SLC5A4: variants seen among roughly 807,000 people sequenced by gnomAD.
The protein encoded by SLC5A4 is probable glucose sensor protein SLC5A4.
SLC5A4 carries 55 observed loss-of-function variants against 70.3 expected under a neutral mutation model. The ratio of observed to expected loss-of-function variants is 0.78; its 90% CI spans 0.63 to 0.98. The LOEUF (loss-of-function observed/expected upper bound fraction) is 0.98, where lower values mean the gene tolerates loss of function less well. Ranked by LOEUF, SLC5A4 falls within the 50% of genes least tolerant of loss-of-function variation. SLC5A4 has a pLI of 0.00. For synonymous variants in SLC5A4, 268 were observed against 305.7 expected, an observed-to-expected ratio of 0.88 and a Z score of 1.29; for missense variants, 735 against 839.2, an observed-to-expected ratio of 0.88 and a Z score of 1.53.
chr22:32,234,933 T>C lies in SLC5A4; in HGVS notation c.825A>G (p.Pro275=), dbSNP rs1354892935. 3 of 1,613,072 alleles carry C rather than the reference T, an allele frequency of 1.9e-6. No homozygotes were observed. The highest frequency in any genetic ancestry group is 2.5e-6 in the Non-Finnish European group (3 of 1,179,998). Residue 275 remains proline (P), a synonymous_variant, in exon 8 of 15, where the codon CCA becomes CCG. Coordinates refer to ENST00000266086, the MANE Select transcript of SLC5A4 (RefSeq NM_014227.3). ...IFRDAVTGDI[P]WPGIIFGMPI... The stretch of plus-strand genomic sequence containing the variant: ...GCATTCCAAATATAATTCCTGGCCA[T>C]GGAATGTCCCCAGTCACAGCATCTC...
At chr22:32,268,860 G>T in the SLC5A4 span, among the ~76,000 whole-genome samples, 1 of 152,124 alleles carries the variant, frequency 6.6e-6, no homozygotes, top group Non-Finnish European at 1.5e-5. Flanking sequence ...ATAATAATTT[G>T]GGATATACAG....
the SLC5A4 span, among the ~76,000 whole-genome samples, chr22:32,303,127 AT>A: frequency 6.6e-6 from 1 of 152,150 alleles, no homozygotes. Context: ...TAGAAAGATT[AT>A]TTTCCCAAGA....
the SLC5A4 span, chr22:32,271,525 C>A: frequency 1.4e-6 from 1 of 710,386 alleles, no homozygotes. Flanking sequence ...AAGCCGAAGC[C>A]ATCCAAGAAG....
chr22:32,306,124 G>C, the SLC5A4 span, among the ~76,000 whole-genome samples: 1 of 152,210 alleles, frequency 6.6e-6, no homozygotes. Context: ...CTAGGGAACA[G>C]TTGACATGAC....
At chr22:32,316,402 A>C in the SLC5A4 span, among the ~76,000 whole-genome samples, 8 of 152,184 alleles carry the variant, frequency 5.3e-5, no homozygotes, top group Non-Finnish European at 8.8e-5. Context: ...TGTGAGGGTG[A>C]AGGATGAGAG....
At chr22:32,248,443 C>A (rs1926955893) in intron 4 of SLC5A4, among the ~76,000 whole-genome samples, 1 of 152,088 alleles carries the variant, frequency 6.6e-6, no homozygotes, top group African/African-American at 2.4e-5. Context: ...GAAGCCAGAC[C>A]CCTTGCCCAT....
chr22:32,335,249 G>A, the SLC5A4 span, among the ~76,000 whole-genome samples: 2 of 152,124 alleles, frequency 1.3e-5, no homozygotes, highest in Non-Finnish European at 2.9e-5. Context: ...CCACGTCTCA[G>A]ACAGCTCAAG....
At chr22:32,335,228 G>A in the SLC5A4 span, among the ~76,000 whole-genome samples, 9 of 152,116 alleles carry the variant, frequency 5.9e-5, no homozygotes, top group East Asian at 3.9e-4. Flanking sequence ...AGTGACAGCC[G>A]CTTCCGCCTC....
chr22:32,286,741 A>C, the SLC5A4 span, among the ~76,000 whole-genome samples: 1 of 152,266 alleles, frequency 6.6e-6, no homozygotes, highest in Non-Finnish European at 1.5e-5. Context: ...AAAGAAGGCT[A>C]TTGTAAGCAT....
the SLC5A4 span, among the ~76,000 whole-genome samples, chr22:32,294,590 CATTAAT>C: frequency 0.33 from 49,527 of 150,124 alleles, 8,293 homozygotes; most frequent in Admixed American, 0.42. Context: ...CCCTGACAAT[CATTAAT>C]ATTAATATGG....
chr22:32,291,027 G>T, the SLC5A4 span, among the ~76,000 whole-genome samples: 1 of 151,922 alleles, frequency 6.6e-6, no homozygotes, highest in Admixed American at 6.6e-5. Context: ...TTCTGATATT[G>T]GAATTTGTCT....
chr22:32,346,045 C>A, the SLC5A4 span, among the ~76,000 whole-genome samples: 1 of 152,118 alleles, frequency 6.6e-6, no homozygotes, highest in Non-Finnish European at 1.5e-5. Context: ...CCCTCCAATA[C>A]AGATCTGCTA....
chr22:32,340,625 C>T, the SLC5A4 span, among the ~76,000 whole-genome samples: 2 of 152,104 alleles, frequency 1.3e-5, no homozygotes, highest in Non-Finnish European at 2.9e-5. Flanking sequence ...ATCGGGTGAC[C>T]CTGAGCAGGG....
intron 2 of SLC5A4, among the ~76,000 whole-genome samples, chr22:32,252,758 A>G (rs1927246151): frequency 6.6e-6 from 1 of 152,104 alleles, no homozygotes; most frequent in African/African-American, 2.4e-5. Context: ...CAAGCTGGCT[A>G]GGAGGGAGTT....
the SLC5A4 span, among the ~76,000 whole-genome samples, chr22:32,339,219 C>A: frequency 6.6e-6 from 1 of 152,150 alleles, no homozygotes; most frequent in Non-Finnish European, 1.5e-5. Flanking sequence ...GGATCCGTAG[C>A]GGCTTTTCTT....
At chr22:32,320,670 C>A in the SLC5A4 span, among the ~76,000 whole-genome samples, 9 of 152,116 alleles carry the variant, frequency 5.9e-5, no homozygotes, top group African/African-American at 2.2e-4. Flanking sequence ...AATTCCCACC[C>A]TTCCTCCCCT....
At chr22:32,304,874 T>C in the SLC5A4 span, among the ~76,000 whole-genome samples, 5 of 149,758 alleles carry the variant, frequency 3.3e-5, no homozygotes, top group African/African-American at 1.2e-4. Flanking sequence ...TTCACTTAGG[T>C]CTATGATCCA....
chr22:32,246,673 G>A (rs886530871), intron 5 of SLC5A4, among the ~76,000 whole-genome samples: 8 of 152,012 alleles, frequency 5.3e-5, no homozygotes, highest in Non-Finnish European at 8.8e-5. Context: ...GATTACTGGT[G>A]TGCATCACCA....
the SLC5A4 span, among the ~76,000 whole-genome samples, chr22:32,305,759 A>C: frequency 2.0e-5 from 3 of 150,872 alleles, no homozygotes; most frequent in South Asian, 2.1e-4. Flanking sequence ...TGCCTACGAG[A>C]TGAGAAACAA....
Sources: gnomAD v4.1 joint callset for allele counts (sites outside exome capture counted in the v4.1 genomes callset) on GRCh38, gnomAD v4.1.1 for gene constraint, MANE v1.5 for transcripts, NCBI Gene and HGNC (gene_info 2026-07-23, HGNC 2026-07-21) for gene names.